Variants in CELF5 observed in about 807,000 individuals in gnomAD.
CELF5 encodes the protein CUGBP Elav-like family member 5, also known as CUG-BP and ETR-3 like factor 5.
A neutral mutation model predicts 54.9 loss-of-function variants in CELF5; 6 were observed. The ratio of observed to expected loss-of-function variants is 0.11; its 90% CI spans 0.06 to 0.22. The LOEUF is 0.22. Among genes scored for constraint, CELF5 ranks in the 10% least tolerant of loss-of-function variants. The pLI, the probability that CELF5 is intolerant of heterozygous loss-of-function variation, is 1.00. For synonymous variants in CELF5, 271 were observed against 290.9 expected, an observed-to-expected ratio of 0.93 and a Z score of 0.70; for missense variants, 401 against 678.6, an observed-to-expected ratio of 0.59 and a Z score of 4.54.
At chr19:3,238,885 C>T (rs549034003) in intron 1 of CELF5, among the ~76,000 whole-genome samples, 41 of 152,232 alleles carry the variant, frequency 2.7e-4, no homozygotes, top group African/African-American at 9.4e-4. Context: ...CAAGATCACA[C>T]CATTGCACTC....
chr19:3,275,996 G>T lies in CELF5; in HGVS notation c.523+12G>T. On this transcript the variant is annotated intron_variant, in intron 4 of 12. Coordinates refer to ENST00000292672, the MANE Select transcript of CELF5 (RefSeq NM_021938.4). The surrounding 1 kb of genome is among the most constrained non-coding windows in gnomAD (Gnocchi z 6.7). Reference sequence around the variant, plus strand: ...CGGCAGCAGCAAAGGTGACTGGCGGGGGCCGGGGCGGGACTGCGAGAGGGG... The same window carrying T: ...CGGCAGCAGCAAAGGTGACTGGCGGTGGCCGGGGCGGGACTGCGAGAGGGG... The T allele has an allele frequency of 6.2e-7, 1 of 1,600,146 alleles. No homozygotes were observed.
intron 11 of CELF5, among the ~76,000 whole-genome samples, chr19:3,290,754 G>A (rs1232977870): frequency 6.7e-6 from 1 of 149,056 alleles, no homozygotes; most frequent in East Asian, 2.0e-4. Context: ...TTTAAGTAGA[G>A]ACGGGGTTTC....
intron 1 of CELF5, among the ~76,000 whole-genome samples, chr19:3,243,132 T>G (rs949110992): frequency 6.6e-6 from 1 of 152,168 alleles, no homozygotes; most frequent in African/African-American, 2.4e-5. Context: ...TGATTCAGTA[T>G]AGAGTATAAG....
chr19:3,268,267 A>G lies in CELF5; in HGVS notation c.343-5605A>G, dbSNP rs184127660. ...GCCCGCCTCAGCCTCCCAAAGTGCT[A>G]AAGTGCTGGGGTTACAGGTGTGAGC... On this transcript the variant is annotated intron_variant, in intron 2 of 12. Transcript: ENST00000292672. The surrounding 1 kb of genome is among the most constrained non-coding windows in gnomAD (Gnocchi z 4.4). Among the ~76,000 whole-genome samples, 1 of 152,222 alleles carries G rather than the reference A, an allele frequency of 6.6e-6. No individual in the cohort carries two copies. The highest frequency in any genetic ancestry group is 1.9e-4 in the East Asian group (1 of 5,166).
At chr19:3,266,741 T>C (rs1029870608) in intron 2 of CELF5, among the ~76,000 whole-genome samples, 7 of 152,276 alleles carry the variant, frequency 4.6e-5, no homozygotes, top group African/African-American at 1.7e-4. Context: ...TTCCCAGGAA[T>C]GCCTGCAGAA....
chr19:3,284,998 T>TGGCCCCGCCCCCGCCGAG, intron 9 of CELF5, 34 bp downstream of exon 9: 7 of 1,504,258 alleles, frequency 4.7e-6, no homozygotes, highest in Non-Finnish European at 6.4e-6. Flanking sequence ...CGCTGGGCCC[T>TGGCCCCGCCCCCGCCGAG]GGCCCCGCCC....
At chr19:3,251,562 A>G (rs1455768503) in intron 2 of CELF5, among the ~76,000 whole-genome samples, 1 of 151,124 alleles carries the variant, frequency 6.6e-6, no homozygotes, top group Non-Finnish European at 1.5e-5. Flanking sequence ...AGCATAGACC[A>G]TGCTTGCTTC....
intron 5 of CELF5, among the ~76,000 whole-genome samples, chr19:3,280,720 G>A (rs1443139853): frequency 6.6e-6 from 1 of 152,054 alleles, no homozygotes; most frequent in African/African-American, 2.4e-5. Context: ...GAGAATTGGA[G>A]GCTCACCCAT....
chr19:3,287,101 T>A (rs2080265667), intron 10 of CELF5, among the ~76,000 whole-genome samples: 2 of 149,006 alleles, frequency 1.3e-5, no homozygotes. Flanking sequence ...CAAGTGTTCA[T>A]CAGCAGGTAA....
chr19:3,227,918 G>A (rs991528581), intron 1 of CELF5, among the ~76,000 whole-genome samples: 3 of 152,246 alleles, frequency 2.0e-5, no homozygotes, highest in East Asian at 1.9e-4. Context: ...GGAGGGGCCC[G>A]TGACACCTGA....
chr19:3,288,976 G>A (rs1324779406), intron 10 of CELF5, among the ~76,000 whole-genome samples: 1 of 152,126 alleles, frequency 6.6e-6, no homozygotes, highest in Non-Finnish European at 1.5e-5. Context: ...AGATGAACAA[G>A]GTTTTAAAGG....
At chr19:3,283,911 C>A (rs2080191887) in intron 8 of CELF5, among the ~76,000 whole-genome samples, 1 of 152,098 alleles carries the variant, frequency 6.6e-6, no homozygotes. Context: ...CAGCCTTGAA[C>A]TCTCGAACTC....
At chr19:3,274,617 C>T (rs555468991) in intron 3 of CELF5, among the ~76,000 whole-genome samples, 11 of 152,254 alleles carry the variant, frequency 7.2e-5, no homozygotes, top group African/African-American at 2.6e-4. Flanking sequence ...TCAGGGTGTG[C>T]CCATGGTGGG....
chr19:3,247,835 C>T (rs548577141), intron 1 of CELF5, among the ~76,000 whole-genome samples: 1 of 152,008 alleles, frequency 6.6e-6, no homozygotes, highest in Admixed American at 6.6e-5. Flanking sequence ...GATCTTGGCT[C>T]ATTGCAAACT....
intron 2 of CELF5, among the ~76,000 whole-genome samples, chr19:3,262,929 ACT>A (rs2079825377): frequency 6.7e-6 from 1 of 149,998 alleles, no homozygotes; most frequent in Non-Finnish European, 1.5e-5. Context: ...ATAGAGTGAG[ACT>A]CTGTCTCAAA....
chr19:3,286,072 C>T (rs1343677959), intron 10 of CELF5, 47 bp downstream of exon 10: 1 of 1,455,206 alleles, frequency 6.9e-7, no homozygotes, highest in Non-Finnish European at 9.1e-7. Context: ...GCCCTCTGCC[C>T]GCCCTGTCCA....
intron 1 of CELF5, among the ~76,000 whole-genome samples, chr19:3,227,286 C>G (rs1359878820): frequency 6.6e-6 from 1 of 152,152 alleles, no homozygotes; most frequent in Non-Finnish European, 1.5e-5. Context: ...CTAGTGACTG[C>G]CCCTCTCTGG....
intron 5 of CELF5, among the ~76,000 whole-genome samples, chr19:3,280,939 A>T (rs1310777782): frequency 6.6e-6 from 1 of 152,096 alleles, no homozygotes; most frequent in South Asian, 2.1e-4. Flanking sequence ...GCTGACAGTC[A>T]GGGCCCCCAC....
chr19:3,238,743 C>A lies in CELF5; in HGVS notation c.260-12242C>A, dbSNP rs2079450806. On this transcript the variant is annotated intron_variant, in intron 1 of 12. Transcript: ENST00000292672. ...GGTCAGGAGTTCGAGACCAACCTGG[C>A]CAACATGACGAAACCCTGTCTCTAC... is the stretch of plus-strand genomic sequence containing the variant. Among the ~76,000 whole-genome samples the A allele has an allele frequency of 2.0e-5, 3 of 152,196 alleles. No homozygotes were observed. In the South Asian group the frequency reaches 6.2e-4, roughly 32 times the overall value.
Sources: allele counts gnomAD v4.1 joint callset (sites outside exome capture counted in the v4.1 genomes callset), GRCh38; gene constraint gnomAD v4.1.1; non-coding constraint Gnocchi (gnomAD v3.1); transcripts MANE v1.5; gene names NCBI Gene and HGNC (gene_info 2026-07-23, HGNC 2026-07-21).